USP37: variants seen among roughly 807,000 people sequenced by gnomAD.
USP37 encodes the protein ubiquitin specific peptidase 37.
USP37 carries 27 observed loss-of-function variants against 124.0 expected under a neutral mutation model. The ratio of observed to expected loss-of-function variants is 0.22; its 90% CI spans 0.16 to 0.30. USP37 has a LOEUF of 0.30. USP37 is among the 10% of genes least tolerant of loss of function. USP37 has a pLI of 1.00. For synonymous variants in USP37, 365 were observed against 388.0 expected, an observed-to-expected ratio of 0.94 and a Z score of 0.70; for missense variants, 889 against 1,140.4, an observed-to-expected ratio of 0.78 and a Z score of 3.17.
chr2:218,479,768 T>C lies in USP37; in HGVS notation c.1836-53A>G, dbSNP rs915552445. ...GTATACAAATGAATTATTAAAGATA[T>C]ATATTTAAATTATAAAATGAATTAT... On this transcript the variant is annotated intron_variant, in intron 17 of 25. Transcript: ENST00000258399. 4.8e-6 allele frequency: 5 copies of C among 1,034,042 alleles called. No homozygotes were observed. The East Asian group carries it at 1.4e-4, about 29-fold the overall frequency. The allele number at this position is 1,034,042 out of a possible 1,614,324, so 64.1% of individuals were successfully genotyped here.
chr2:218,462,833 T>C (rs981269116), intron 22 of USP37, among the ~76,000 whole-genome samples: 5 of 152,038 alleles, frequency 3.3e-5, no homozygotes, highest in Non-Finnish European at 7.3e-5. Flanking sequence ...AGGAGAGATA[T>C]AAAGGTTACT....
chr2:218,535,716 G>A (rs533450333), intron 8 of USP37, among the ~76,000 whole-genome samples: 19 of 152,136 alleles, frequency 1.2e-4, no homozygotes, highest in Admixed American at 8.5e-4. Flanking sequence ...TTAGCTGGGC[G>A]TGGTGGCGGG....
intron 10 of USP37, chr2:218,528,498 C>A: frequency 5.2e-6 from 1 of 191,332 alleles, no homozygotes; most frequent in Non-Finnish European, 1.1e-5. Flanking sequence ...TGTTCAACAT[C>A]CACTTATGAG....
At chr2:218,536,762 C>G (rs572020196) in intron 8 of USP37, among the ~76,000 whole-genome samples, 3 of 152,278 alleles carry the variant, frequency 2.0e-5, no homozygotes, top group Admixed American at 6.5e-5. Context: ...TCTACAACAG[C>G]TGGTACTAAA....
chr2:218,553,776 T>C (rs1249408905), intron 4 of USP37, 52 bp from the exon 5 acceptor site: 1 of 1,506,436 alleles, frequency 6.6e-7, no homozygotes, highest in Non-Finnish European at 9.0e-7. Flanking sequence ...CAACTAAGTA[T>C]AACAATCTGT....
intron 10 of USP37, among the ~76,000 whole-genome samples, chr2:218,515,690 G>C (rs1690238775): frequency 6.6e-6 from 1 of 152,122 alleles, no homozygotes; most frequent in Non-Finnish European, 1.5e-5. Flanking sequence ...AGCCAAAACA[G>C]ACAAATGGGA....
intron 10 of USP37, among the ~76,000 whole-genome samples, chr2:218,524,673 G>T (rs982820840): frequency 3.9e-5 from 6 of 152,174 alleles, no homozygotes; most frequent in Non-Finnish European, 7.3e-5. Flanking sequence ...GCAGTGGCGC[G>T]TTTTCGGCTC....
At chr2:218,525,920 A>C (rs535780260) in intron 10 of USP37, among the ~76,000 whole-genome samples, 1 of 152,298 alleles carries the variant, frequency 6.6e-6, no homozygotes, top group South Asian at 2.1e-4. Flanking sequence ...GCTCCCACCT[A>C]TAAGTGAGAA....
intron 12 of USP37, 77 bp from the exon 13 acceptor site, chr2:218,497,934 T>C (rs1689165060): frequency 1.3e-6 from 2 of 1,573,756 alleles, no homozygotes; most frequent in African/African-American, 1.4e-5. Flanking sequence ...TTACTAATAA[T>C]GGCACAGAAA....
At chr2:218,562,329 TAAG>T (rs1313980125) in intron 2 of USP37, among the ~76,000 whole-genome samples, 1 of 152,160 alleles carries the variant, frequency 6.6e-6, no homozygotes, top group Non-Finnish European at 1.5e-5. Context: ...AGCAAAAAAA[TAAG>T]AAGACAAAAG....
At chr2:218,525,716 CA>C (rs1413085658) in intron 10 of USP37, among the ~76,000 whole-genome samples, 1 of 152,054 alleles carries the variant, frequency 6.6e-6, no homozygotes, top group African/African-American at 2.4e-5. Context: ...ATTTTAAGTT[CA>C]GGGGTACATG....
chr2:218,495,639 C>T, intron 14 of USP37, 121 bp downstream of exon 14: 16 of 1,106,226 alleles, frequency 1.4e-5, no homozygotes, highest in Non-Finnish European at 2.0e-5. Flanking sequence ...GCCTAGGCAA[C>T]TGTGTGAGAC....
intron 23 of USP37, 61 bp downstream of exon 23, chr2:218,459,729 T>G: frequency 1.4e-6 from 2 of 1,450,044 alleles, no homozygotes; most frequent in South Asian, 2.5e-5. Context: ...GCCTTTGAAG[T>G]AAAGAGTGGG....
intron 15 of USP37, 60 bp from the exon 16 acceptor site, chr2:218,485,803 A>T: frequency 6.5e-7 from 1 of 1,544,874 alleles, no homozygotes; most frequent in Non-Finnish European, 8.8e-7. Context: ...CTTAAATGCA[A>T]ATAATTTGCT....
At chr2:218,532,519 C>T (rs1263082350) in intron 9 of USP37, among the ~76,000 whole-genome samples, 2 of 151,076 alleles carry the variant, frequency 1.3e-5, no homozygotes, top group African/African-American at 4.9e-5. Context: ...CCTTAGCCTT[C>T]AGCAACCACC....
At chr2:218,496,001 T>C (rs776947640) in intron 13 of USP37, 51 bp from the exon 14 acceptor site, 8 of 1,540,206 alleles carry the variant, frequency 5.2e-6, no homozygotes, top group African/African-American at 1.4e-5. Context: ...CTTGTCACAA[T>C]AGCTTACTGA....
At position 218,525,298 on chromosome 2, in the gene USP37, T is replaced by C. The variant is rs552560741; in HGVS notation, c.863+4658A>G. Among the ~76,000 whole-genome samples the C allele has an allele frequency of 2.0e-5, 3 of 151,966 alleles. No individual in the cohort carries two copies. The South Asian group carries it at 6.2e-4, about 32-fold the overall frequency. ...GAGTTTGAGACTAGCCTGGGCAACATGGTGAAACTCCGTGTCTACGAAAAA... is the reference window on the plus strand; with the variant it reads ...GAGTTTGAGACTAGCCTGGGCAACACGGTGAAACTCCGTGTCTACGAAAAA... On this transcript the variant is annotated intron_variant, in intron 10 of 25. Transcript: ENST00000258399.
At position 218,454,900 on chromosome 2, in the gene USP37, G is replaced by A. The variant is rs765750756; in HGVS notation, c.*30C>T. 9 of 1,611,506 alleles carry A rather than the reference G, an allele frequency of 5.6e-6. No individual in the cohort carries two copies. The highest frequency in any genetic ancestry group is 1.7e-4 in the Middle Eastern group (1 of 6,046). On this transcript the variant is annotated 3_prime_UTR_variant, in exon 26 of 26. Coordinates refer to ENST00000258399, the MANE Select transcript of USP37 (RefSeq NM_020935.3). The stretch of plus-strand genomic sequence containing the variant: ...GGTGGGCAGCAGTAACAAATATGCA[G>A]TGCATGCTGCCAACCCAGGAGTTTG...
At chr2:218,504,181 C>G (rs59213210) in intron 11 of USP37, among the ~76,000 whole-genome samples, 2 of 152,042 alleles carry the variant, frequency 1.3e-5, no homozygotes, top group Non-Finnish European at 2.9e-5. Flanking sequence ...GGTTTCTGGC[C>G]TAATATACAA....
Sources: allele counts gnomAD v4.1 joint callset (sites outside exome capture counted in the v4.1 genomes callset), GRCh38; gene constraint gnomAD v4.1.1; transcripts MANE v1.5; gene names NCBI Gene and HGNC (gene_info 2026-07-23, HGNC 2026-07-21).